The following EPHA5 variants were observed in gnomAD, a reference collection of about 807,000 sequenced individuals.
EPHA5 encodes EPH receptor A5, also known as ephrin type-A receptor 5.
A neutral mutation model predicts 105.0 loss-of-function variants in EPHA5; 60 were observed. The ratio of observed to expected loss-of-function variants is 0.57; its 90% CI spans 0.46 to 0.71. EPHA5 has a LOEUF of 0.71. Among genes scored for constraint, EPHA5 ranks in the 30% least tolerant of loss-of-function variants. The pLI is 0.00. For synonymous variants in EPHA5, 513 were observed against 449.1 expected, an observed-to-expected ratio of 1.14 and a Z score of -1.80; for missense variants, 1,218 against 1,274.7, an observed-to-expected ratio of 0.96 and a Z score of 0.68.
At chr4:65,669,455 C>A (rs908989257) in intron 1 of EPHA5, 107 bp downstream of exon 1, 2 of 1,253,342 alleles carry the variant, frequency 1.6e-6, no homozygotes, top group Non-Finnish European at 1.0e-6. Flanking sequence ...GATGAGACTG[C>A]GATTTAGTCT....
At chr4:65,591,591 T>C (rs1287230289) in intron 3 of EPHA5, among the ~76,000 whole-genome samples, 1 of 151,744 alleles carries the variant, frequency 6.6e-6, no homozygotes, top group Non-Finnish European at 1.5e-5. Flanking sequence ...TTGCCTACAT[T>C]AATTTTAATT....
At chr4:65,468,579 T>C (rs1427310255) in intron 5 of EPHA5, among the ~76,000 whole-genome samples, 3 of 84,820 alleles carry the variant, frequency 3.5e-5, no homozygotes, top group Non-Finnish European at 6.6e-5. Flanking sequence ...TATATATATA[T>C]GTAAAATATA....
intron 5 of EPHA5, among the ~76,000 whole-genome samples, chr4:65,450,391 G>A (rs1283034189): frequency 6.6e-6 from 1 of 152,092 alleles, no homozygotes; most frequent in Non-Finnish European, 1.5e-5. Context: ...AGTTAAAAGT[G>A]AAACACAGAG....
intron 5 of EPHA5, among the ~76,000 whole-genome samples, chr4:65,457,184 C>A (rs1016690659): frequency 3.3e-4 from 51 of 152,264 alleles, no homozygotes; most frequent in Admixed American, 9.2e-4. Flanking sequence ...TTGAGCTGCA[C>A]AGGAAGAGAC....
At chr4:65,410,967 G>T (rs1050715566) in intron 7 of EPHA5, among the ~76,000 whole-genome samples, 1 of 152,100 alleles carries the variant, frequency 6.6e-6, no homozygotes, top group African/African-American at 2.4e-5. Context: ...TATGTTAAAA[G>T]AAACCAGAAA....
At position 65,501,363 on chromosome 4, in the gene EPHA5, A is replaced by G. The variant is rs77558568; in HGVS notation, c.911-5820T>C. Among the ~76,000 whole-genome samples, 1,359 of 151,598 alleles carry G rather than the reference A, an allele frequency of 9.0e-3. 16 individuals are homozygous for G. Among genetic ancestry groups the G allele is most frequent in the East Asian group, 0.027 (141 of 5,158 alleles). On this transcript the variant is annotated intron_variant, in intron 3 of 16. Coordinates refer to ENST00000613740, the MANE Select transcript of EPHA5 (RefSeq NM_001281766.3). ...TATTATGTACTTAGAAAACCCTAGAAACTTCACCAAAAGTCTCCTGGATCT... is the reference window on the plus strand; with the variant it reads ...TATTATGTACTTAGAAAACCCTAGAGACTTCACCAAAAGTCTCCTGGATCT...
intron 1 of EPHA5, among the ~76,000 whole-genome samples, chr4:65,644,942 T>C (rs1194409271): frequency 1.3e-5 from 2 of 152,066 alleles, no homozygotes; most frequent in Non-Finnish European, 2.9e-5. Context: ...AATATAATGT[T>C]TGTATCATTT....
At chr4:65,418,175 T>C (rs1723575444) in intron 6 of EPHA5, among the ~76,000 whole-genome samples, 3 of 152,144 alleles carry the variant, frequency 2.0e-5, no homozygotes, top group Admixed American at 2.0e-4. Flanking sequence ...CAATGAAAAT[T>C]GAGAAACAAT....
intron 5 of EPHA5, among the ~76,000 whole-genome samples, chr4:65,469,022 C>T (rs1331186736): frequency 1.3e-5 from 2 of 151,842 alleles, no homozygotes; most frequent in Non-Finnish European, 2.9e-5. Flanking sequence ...TTAAACGGGC[C>T]CTTGAGTGTG....
chr4:65,585,592 G>A lies in EPHA5; in HGVS notation c.910+16049C>T, dbSNP rs1338292022. Among the ~76,000 whole-genome samples, 125 of 151,784 alleles carry A rather than the reference G, an allele frequency of 8.2e-4. 2 individuals carry two copies. The highest frequency in any genetic ancestry group is 1.0e-4 in the Non-Finnish European group (7 of 67,854). On this transcript the variant is annotated intron_variant, in intron 3 of 16. Transcript: ENST00000613740. The stretch of plus-strand genomic sequence containing the variant: ...GATACAAATAAAACAACATCTTTTT[G>A]TTTCCAAGAACAAAGCAAGAACACT...
intron 14 of EPHA5, among the ~76,000 whole-genome samples, chr4:65,338,140 A>G (rs993483017): frequency 6.6e-6 from 1 of 152,116 alleles, no homozygotes; most frequent in African/African-American, 2.4e-5. Context: ...ACAATGCTAA[A>G]CAAGCCTTGA....
intron 3 of EPHA5, among the ~76,000 whole-genome samples, chr4:65,521,343 G>A (rs1477557873): frequency 6.6e-6 from 1 of 152,040 alleles, no homozygotes; most frequent in African/African-American, 2.4e-5. Flanking sequence ...TTGGACACAG[G>A]AAGGGGAACA....
chr4:65,498,321 A>T (rs1323827165), intron 3 of EPHA5, among the ~76,000 whole-genome samples: 1 of 151,974 alleles, frequency 6.6e-6, no homozygotes, highest in African/African-American at 2.4e-5. Flanking sequence ...AAGGGAGGTC[A>T]TTGGAAAGTT....
chr4:65,666,401 C>A (rs1210593016), intron 1 of EPHA5, among the ~76,000 whole-genome samples: 2 of 152,170 alleles, frequency 1.3e-5, no homozygotes, highest in South Asian at 4.1e-4. Flanking sequence ...GTGAAAAGCA[C>A]TTGTCAAATA....
At chr4:65,361,170 A>G (rs956877693) in intron 11 of EPHA5, among the ~76,000 whole-genome samples, 4 of 151,636 alleles carry the variant, frequency 2.6e-5, no homozygotes, top group Non-Finnish European at 5.9e-5. Flanking sequence ...TCCTTTACTC[A>G]GCTATTCAAC....
intron 3 of EPHA5, among the ~76,000 whole-genome samples, chr4:65,584,246 C>G (rs776279853): frequency 2.6e-5 from 4 of 151,766 alleles, no homozygotes; most frequent in Non-Finnish European, 4.4e-5. Context: ...TAATGTGTTT[C>G]TCTTCTGTGA....
chr4:65,444,701 C>A (rs1192457439), intron 5 of EPHA5, among the ~76,000 whole-genome samples: 1 of 152,000 alleles, frequency 6.6e-6, no homozygotes, highest in African/African-American at 2.4e-5. Flanking sequence ...GCTGCTGTAA[C>A]CAATATTTAC....
At chr4:65,555,351 A>G (rs1009718052) in intron 3 of EPHA5, among the ~76,000 whole-genome samples, 1 of 152,034 alleles carries the variant, frequency 6.6e-6, no homozygotes, top group Admixed American at 6.6e-5. Context: ...GATTTTAAAT[A>G]TGTAGCCTGA....
intron 3 of EPHA5, among the ~76,000 whole-genome samples, chr4:65,550,034 G>A (rs185856487): frequency 3.1e-4 from 47 of 151,972 alleles, no homozygotes; most frequent in African/African-American, 1.1e-3. Flanking sequence ...ATGACATCAT[G>A]TTAAAACATT....
Sources: allele counts gnomAD v4.1 joint callset (sites outside exome capture counted in the v4.1 genomes callset), GRCh38; gene constraint gnomAD v4.1.1; transcripts MANE v1.5; gene names NCBI Gene and HGNC (gene_info 2026-07-23, HGNC 2026-07-21).